The following UNC13C variants were observed in gnomAD, a reference collection of about 807,000 sequenced individuals.
UNC13C encodes the protein unc-13 homolog C.
UNC13C carries 174 observed loss-of-function variants against 245.4 expected under a neutral mutation model. The observed-to-expected ratio is 0.71, with a 90% CI of 0.63 to 0.80. UNC13C has a LOEUF of 0.80. Ranked by LOEUF, UNC13C falls within the 30% of genes least tolerant of loss-of-function variation. UNC13C has a pLI of 0.00. For synonymous variants in UNC13C, 992 were observed against 895.1 expected, an observed-to-expected ratio of 1.11 and a Z score of -1.93; for missense variants, 2,829 against 2,602.9, an observed-to-expected ratio of 1.09 and a Z score of -1.89.
chr15:54,597,919 G>T (rs1217673465), intron 30 of UNC13C, among the ~76,000 whole-genome samples: 1 of 152,132 alleles, frequency 6.6e-6, no homozygotes, highest in African/African-American at 2.4e-5. Flanking sequence ...GTATTCCAGG[G>T]ATACAAACTT....
chr15:54,140,768 G>A (rs2031980703), intron 2 of UNC13C, among the ~76,000 whole-genome samples: 1 of 152,164 alleles, frequency 6.6e-6, no homozygotes, highest in African/African-American at 2.4e-5. Context: ...TGATGAGATC[G>A]CATTTCACAT....
intron 2 of UNC13C, among the ~76,000 whole-genome samples, chr15:54,118,893 G>T (rs1177585345): frequency 2.0e-5 from 3 of 148,782 alleles, no homozygotes; most frequent in Non-Finnish European, 4.4e-5. Context: ...CTATTGAAAT[G>T]ATCTTACGGT....
intron 17 of UNC13C, among the ~76,000 whole-genome samples, chr15:54,367,146 C>T (rs1445026883): frequency 6.6e-6 from 1 of 152,098 alleles, no homozygotes; most frequent in African/African-American, 2.4e-5. Flanking sequence ...CAGAAGCTAT[C>T]AGAACAGAAA....
At chr15:54,468,951 TG>T (rs1463410052) in intron 19 of UNC13C, among the ~76,000 whole-genome samples, 1 of 151,648 alleles carries the variant, frequency 6.6e-6, no homozygotes, top group Non-Finnish European at 1.5e-5. Flanking sequence ...ATTTTAGGAT[TG>T]TTTTCTCTAT....
intron 2 of UNC13C, among the ~76,000 whole-genome samples, chr15:54,079,791 T>G (rs1267628389): frequency 1.3e-5 from 2 of 152,088 alleles, no homozygotes; most frequent in East Asian, 3.8e-4. Context: ...CCTATTTAGA[T>G]GCTTTTTCTT....
chr15:53,853,948 T>C, the UNC13C span, among the ~76,000 whole-genome samples: 1 of 152,168 alleles, frequency 6.6e-6, no homozygotes, highest in African/African-American at 2.4e-5. Flanking sequence ...GTAAATTGTC[T>C]GTTCACTCAG....
intron 19 of UNC13C, chr15:54,417,090 A>G: frequency 2.5e-6 from 1 of 397,494 alleles, no homozygotes. Flanking sequence ...TTATTTGTTT[A>G]TTTGTTTGTT....
At chr15:54,497,971 A>C (rs541977893) in intron 20 of UNC13C, among the ~76,000 whole-genome samples, 1 of 152,236 alleles carries the variant, frequency 6.6e-6, no homozygotes, top group East Asian at 1.9e-4. Context: ...TCATCAAAAA[A>C]TTAAAGGCTA....
chr15:54,152,009 C>T (rs1293271662), intron 4 of UNC13C, among the ~76,000 whole-genome samples: 1 of 152,214 alleles, frequency 6.6e-6, no homozygotes, highest in African/African-American at 2.4e-5. Context: ...CCCCAAATCA[C>T]GCACTTCCAA....
chr15:54,003,212 G>A (rs1894977091), intron 1 of UNC13C, among the ~76,000 whole-genome samples: 1 of 152,008 alleles, frequency 6.6e-6, no homozygotes, highest in African/African-American at 2.4e-5. Context: ...AAGTGGGAGG[G>A]GGCTTGTTTC....
rs184263918 is a variant in UNC13C at position 54,133,232 on chromosome 15, G to A, written c.2984-9786G>A. Among the ~76,000 whole-genome samples, 275 of 152,204 alleles carry A rather than the reference G, an allele frequency of 1.8e-3. 2 individuals carry two copies. The highest frequency in any genetic ancestry group is 6.3e-3 in the African/African-American group (263 of 41,542). On this transcript the variant is annotated intron_variant, in intron 2 of 32. Coordinates refer to ENST00000260323, the MANE Select transcript of UNC13C (RefSeq NM_001080534.3). ...ATGAAGGAAAACTGAGGGTTAGGGA[G>A]ATGACATGTTTCCGTAGATTACGTT...
intron 15 of UNC13C, among the ~76,000 whole-genome samples, chr15:54,332,655 C>T (rs1596236246): frequency 6.6e-6 from 1 of 151,926 alleles, no homozygotes; most frequent in East Asian, 1.9e-4. Flanking sequence ...TATTCATGTA[C>T]ATATGTGCAT....
At chr15:54,257,738 G>A (rs1042589348) in intron 8 of UNC13C, among the ~76,000 whole-genome samples, 9 of 152,120 alleles carry the variant, frequency 5.9e-5, no homozygotes, top group African/African-American at 1.7e-4. Flanking sequence ...TGTTGTTTGC[G>A]AAAAATAAGG....
intron 2 of UNC13C, chr15:54,049,485 C>G (rs1897182342): frequency 2.8e-6 from 1 of 351,278 alleles, no homozygotes; most frequent in African/African-American, 2.2e-5. Flanking sequence ...GTGCAGAGTT[C>G]AAAGATACTT....
At chr15:53,897,419 T>C in the UNC13C span, among the ~76,000 whole-genome samples, 63 of 152,324 alleles carry the variant, frequency 4.1e-4, 1 homozygote, top group African/African-American at 1.5e-3. Context: ...ATAGCAACAA[T>C]AATTTTATAC....
intron 2 of UNC13C, among the ~76,000 whole-genome samples, chr15:54,100,004 G>A (rs1288489180): frequency 6.6e-6 from 1 of 151,166 alleles, no homozygotes; most frequent in African/African-American, 2.4e-5. Flanking sequence ...GGAGGCTGGG[G>A]TATGAGAATT....
chr15:54,106,068 G>A (rs1247933276), intron 2 of UNC13C, among the ~76,000 whole-genome samples: 1 of 152,194 alleles, frequency 6.6e-6, no homozygotes, highest in Admixed American at 6.5e-5. Context: ...CAGTGAAGTA[G>A]TTGTAGTGAG....
At chr15:54,214,138 T>C (rs2034968617) in intron 4 of UNC13C, among the ~76,000 whole-genome samples, 1 of 151,952 alleles carries the variant, frequency 6.6e-6, no homozygotes, top group Non-Finnish European at 1.5e-5. Flanking sequence ...TTTTAAAAAT[T>C]ATATTTTAAT....
intron 18 of UNC13C, among the ~76,000 whole-genome samples, chr15:54,397,378 C>G (rs1013643230): frequency 2.0e-5 from 3 of 151,528 alleles, no homozygotes; most frequent in Non-Finnish European, 3.0e-5. Flanking sequence ...ATCTGTTCCA[C>G]TGATCTATAT....
Sources: allele counts gnomAD v4.1 joint callset (sites outside exome capture counted in the v4.1 genomes callset), GRCh38; gene constraint gnomAD v4.1.1; transcripts MANE v1.5; gene names NCBI Gene and HGNC (gene_info 2026-07-23, HGNC 2026-07-21).